Variants in DOCK4 observed in about 807,000 individuals in gnomAD.
DOCK4 encodes dedicator of cytokinesis protein 4.
DOCK4 carries 97 observed loss-of-function variants against 268.1 expected under a neutral mutation model. The observed-to-expected ratio is 0.36, with a 90% CI of 0.31 to 0.43. DOCK4 has a LOEUF of 0.43. Ranked by LOEUF, DOCK4 falls within the 20% of genes least tolerant of loss-of-function variation. The pLI, the probability that DOCK4 is intolerant of heterozygous loss-of-function variation, is 1.00. For missense variants in DOCK4, 2,145 were observed against 2,455.7 expected (o/e 0.87, Z 2.67); for synonymous variants, 954 against 887.2 (o/e 1.08, Z -1.34).
intron 10 of DOCK4, 36 bp downstream of exon 10, chr7:111,944,775 C>T: frequency 6.3e-7 from 1 of 1,586,124 alleles, no homozygotes; most frequent in Non-Finnish European, 8.7e-7. Flanking sequence ...CCTCTCTGTT[C>T]CTTGCCCCTA....
intron 51 of DOCK4, 58 bp from the exon 52 acceptor site, chr7:111,732,345 T>G: frequency 3.2e-6 from 5 of 1,563,582 alleles, no homozygotes; most frequent in Non-Finnish European, 4.4e-6. Context: ...ATTGACTATC[T>G]GCACATGCCC....
chr7:112,180,921 C>A (rs1335523371), intron 1 of DOCK4, among the ~76,000 whole-genome samples: 1 of 152,156 alleles, frequency 6.6e-6, no homozygotes, highest in Admixed American at 6.5e-5. Context: ...ATGATAGTTG[C>A]ATTTTTAAGG....
intron 1 of DOCK4, among the ~76,000 whole-genome samples, chr7:112,030,413 T>C (rs1348925045): frequency 6.6e-6 from 1 of 152,202 alleles, no homozygotes; most frequent in Non-Finnish European, 1.5e-5. Context: ...TGGATTAACA[T>C]CCTTCAAGTA....
At chr7:112,146,178 T>C (rs1815473875) in intron 1 of DOCK4, among the ~76,000 whole-genome samples, 1 of 152,200 alleles carries the variant, frequency 6.6e-6, no homozygotes, top group South Asian at 2.1e-4. Context: ...GAAAAGTGGC[T>C]GGGTCTTAAA....
intron 20 of DOCK4, among the ~76,000 whole-genome samples, chr7:111,870,323 C>CTTTTTTTTTTTTTTTTTTTTTTTTCT (rs796444724): frequency 7.6e-6 from 1 of 131,358 alleles, no homozygotes; most frequent in African/African-American, 2.9e-5. Flanking sequence ...TTTTTCTTTT[C>CTTTTTTTTTTTTTTTTTTTTTTTTCT]TTTTTTTTTT....
chr7:112,179,648 C>T (rs1586987292), intron 1 of DOCK4, among the ~76,000 whole-genome samples: 2 of 151,908 alleles, frequency 1.3e-5, no homozygotes. Context: ...TTTCTAGAAT[C>T]ACTATGTGAT....
intron 1 of DOCK4, among the ~76,000 whole-genome samples, chr7:112,186,221 A>G (rs17159341): frequency 0.11 from 16,321 of 152,290 alleles, 1,127 homozygotes; most frequent in South Asian, 0.17. Context: ...CTGTGCTTCA[A>G]TATTTACTAT....
At chr7:111,933,468 G>A (rs541074707) in intron 12 of DOCK4, among the ~76,000 whole-genome samples, 2 of 151,248 alleles carry the variant, frequency 1.3e-5, no homozygotes, top group African/African-American at 2.4e-5. Flanking sequence ...CTAATTTTTT[G>A]TATTTTTAGT....
At chr7:112,117,627 TCCCAA>T (rs1812304113) in intron 1 of DOCK4, among the ~76,000 whole-genome samples, 1 of 152,218 alleles carries the variant, frequency 6.6e-6, no homozygotes, top group African/African-American at 2.4e-5. Context: ...TGCCTTGGCC[TCCCAA>T]AGTGCTGGGA....
chr7:112,020,307 A>T (rs1432304523), intron 1 of DOCK4, among the ~76,000 whole-genome samples: 3 of 152,226 alleles, frequency 2.0e-5, no homozygotes, highest in Non-Finnish European at 4.4e-5. Context: ...AGTAACTCAT[A>T]TAAAGCTACT....
chr7:112,026,610 T>C (rs1489061162), intron 1 of DOCK4, among the ~76,000 whole-genome samples: 4 of 152,222 alleles, frequency 2.6e-5, no homozygotes, highest in Non-Finnish European at 5.9e-5. Flanking sequence ...GAGTAATATT[T>C]TGTGACATGT....
At chr7:111,833,059 T>C (rs759110151) in intron 26 of DOCK4, among the ~76,000 whole-genome samples, 30 of 152,320 alleles carry the variant, frequency 2.0e-4, no homozygotes, top group Middle Eastern at 3.4e-3. Context: ...GCTTTTCCTA[T>C]GGGAAATTTT....
At chr7:112,128,716 GCATGCTCGTTAAGAGT>G (rs1240872142) in intron 1 of DOCK4, among the ~76,000 whole-genome samples, 1 of 152,016 alleles carries the variant, frequency 6.6e-6, no homozygotes, top group Non-Finnish European at 1.5e-5. Flanking sequence ...CTTGAAGGCA[GCATGCTCGTTAAGAGT>G]CATCACCACT....
intron 1 of DOCK4, among the ~76,000 whole-genome samples, chr7:112,064,807 C>A (rs909302246): frequency 2.0e-5 from 3 of 152,166 alleles, no homozygotes; most frequent in African/African-American, 7.2e-5. Flanking sequence ...CATGATGCAA[C>A]CTGACTGGTG....
At chr7:111,755,855 T>G (rs957218134) in intron 41 of DOCK4, among the ~76,000 whole-genome samples, 12 of 152,218 alleles carry the variant, frequency 7.9e-5, no homozygotes, top group African/African-American at 2.7e-4. Context: ...AGCTTAAAAA[T>G]ACAAAAATAG....
chr7:111,846,516 G>A (rs1804117959), intron 24 of DOCK4, among the ~76,000 whole-genome samples: 1 of 150,006 alleles, frequency 6.7e-6, no homozygotes, highest in Non-Finnish European at 1.5e-5. Context: ...ATCACTGGTG[G>A]GGCCAAGTAA....
chr7:111,901,522 A>G (rs1400570613), intron 14 of DOCK4, among the ~76,000 whole-genome samples, 155 bp downstream of exon 14: 2 of 152,160 alleles, frequency 1.3e-5, no homozygotes, highest in Non-Finnish European at 2.9e-5. Flanking sequence ...AAAAGAAAGA[A>G]AACTACACAG....
intron 1 of DOCK4, among the ~76,000 whole-genome samples, chr7:112,039,867 T>G (rs561531376): frequency 2.9e-4 from 44 of 152,336 alleles, no homozygotes; most frequent in African/African-American, 1.0e-3. Flanking sequence ...AAATTATTCC[T>G]ATAACTTTCA....
intron 1 of DOCK4, among the ~76,000 whole-genome samples, chr7:112,200,738 A>AAAAAAAAAAAAAAAAAAAG (rs527792738): frequency 2.1e-5 from 2 of 97,230 alleles, no homozygotes; most frequent in South Asian, 3.5e-4. Flanking sequence ...AAAAAAAAAA[A>AAAAAAAAAAAAAAAAAAAG]CAAAAAAAAA....
Sources: allele counts gnomAD v4.1 joint callset (sites outside exome capture counted in the v4.1 genomes callset), GRCh38; gene constraint gnomAD v4.1.1; transcripts MANE v1.5; gene names NCBI Gene and HGNC (gene_info 2026-07-23, HGNC 2026-07-21).